The following FHIP1A variants were observed in gnomAD, a reference collection of about 807,000 sequenced individuals.
The protein encoded by FHIP1A is FHF complex subunit HOOK-interacting protein 1A.
Under a neutral mutation model 88.6 loss-of-function variants are expected in FHIP1A, and 61 were observed. The observed-to-expected ratio is 0.69, with a 90% CI of 0.56 to 0.85. The LOEUF is 0.85. Ranked by LOEUF, FHIP1A falls within the 40% of genes least tolerant of loss-of-function variation. The pLI is 0.00. For missense variants in FHIP1A, 1,154 were observed against 1,273.5 expected, an observed-to-expected ratio of 0.91 and a Z score of 1.43; for synonymous variants, 478 against 496.0, an observed-to-expected ratio of 0.96 and a Z score of 0.48.
At chr4:151,483,146 C>T (rs1173279501) in intron 3 of FHIP1A, among the ~76,000 whole-genome samples, 1 of 152,038 alleles carries the variant, frequency 6.6e-6, no homozygotes, top group East Asian at 1.9e-4. Context: ...TTTACAGAGG[C>T]ATGTACTATT....
intron 1 of FHIP1A, among the ~76,000 whole-genome samples, chr4:151,442,249 G>C (rs1054103540): frequency 6.6e-6 from 1 of 152,002 alleles, no homozygotes; most frequent in Non-Finnish European, 1.5e-5. Flanking sequence ...GTGTCTCTTG[G>C]TTACTGTGCA....
At position 151,542,139 on chromosome 4, in the gene FHIP1A, G is replaced by T. The variant is rs573727797; in HGVS notation, c.-122-23999G>T. Among the ~76,000 whole-genome samples, 3 of 152,160 alleles carry T rather than the reference G, an allele frequency of 2.0e-5. No homozygotes were observed. The South Asian group carries it at 6.2e-4, about 32-fold the overall frequency. Reference sequence around the variant, plus strand: ...TCTGTTCCCCTTCACCCTTCAAAGTGTGTGTGTGGCTAACTTTTCCTGGTT... The same window carrying T: ...TCTGTTCCCCTTCACCCTTCAAAGTTTGTGTGTGGCTAACTTTTCCTGGTT... On this transcript the variant is annotated intron_variant, in intron 3 of 13. Transcript: ENST00000435205.
Position 151,586,641 on chromosome 4 carries a change from GT to G in FHIP1A, c.734del (p.Val245AspfsTer17). On this transcript the variant is annotated frameshift_variant and splice_region_variant, in exon 6 of 14. Coordinates refer to ENST00000435205, the MANE Select transcript of FHIP1A (RefSeq NM_001109977.3). LOFTEE classifies it high-confidence loss of function. ...ATTTTGTTTTTATTTCTGAACACAG[GT>G]ACTTGCAACTGGGCTCAGTGGTCTC... ...HIVENTYFCP[V>X]LATGLSGLYS... is the part of the protein sequence containing the mutation. 1 of 1,538,440 alleles carries G rather than the reference GT, an allele frequency of 6.5e-7. No individual in the cohort carries two copies. The highest frequency in any genetic ancestry group is 8.8e-7 in the Non-Finnish European group (1 of 1,136,922).
intron 7 of FHIP1A, among the ~76,000 whole-genome samples, chr4:151,621,638 T>G (rs1735750287): frequency 6.6e-6 from 1 of 152,052 alleles, no homozygotes; most frequent in Admixed American, 6.6e-5. Context: ...TTTGCAGTGG[T>G]TCTCAGATAC....
intron 3 of FHIP1A, among the ~76,000 whole-genome samples, chr4:151,558,763 C>T (rs768681127): frequency 4.7e-4 from 72 of 152,086 alleles, no homozygotes; most frequent in Admixed American, 1.5e-3. Flanking sequence ...TTTGGGGAAC[C>T]CTAGGGTCCC....
At chr4:151,526,148 T>C (rs1731624687) in intron 3 of FHIP1A, among the ~76,000 whole-genome samples, 2 of 152,228 alleles carry the variant, frequency 1.3e-5, no homozygotes, top group Admixed American at 1.3e-4. Context: ...AAGTCTCCCA[T>C]GTCTACCTCT....
chr4:151,577,474 G>C lies in FHIP1A; in HGVS notation c.130G>C (p.Asp44His). 6.5e-7 allele frequency: 1 copy of C among 1,541,714 alleles called. No homozygotes were observed. ...GGTTGTGAAAATCTTGGAGAAGCAC[G>C]ACCCCTTGAAGAACACCCAGGCAAA... ...AQVVKILEKHDPLKNTQAKYG... is the reference protein window; with the variant it reads ...AQVVKILEKHHPLKNTQAKYG... Residue 44 changes from aspartate to histidine, a missense_variant, in exon 5 of 14, where the codon GAC becomes CAC. Transcript: ENST00000435205.
chr4:151,551,729 C>T (rs1332615204), intron 3 of FHIP1A, among the ~76,000 whole-genome samples: 2 of 152,146 alleles, frequency 1.3e-5, no homozygotes, highest in Middle Eastern at 3.2e-3. Context: ...ACCATAAAAG[C>T]CCTAGAAGAA....
At chr4:151,548,842 C>T (rs1172976693) in intron 3 of FHIP1A, among the ~76,000 whole-genome samples, 1 of 152,188 alleles carries the variant, frequency 6.6e-6, no homozygotes, top group Non-Finnish European at 1.5e-5. Flanking sequence ...ATACTTGTTC[C>T]CCGGTGCTGT....
chr4:151,452,131 G>A (rs1479474414), intron 1 of FHIP1A, among the ~76,000 whole-genome samples: 1 of 152,148 alleles, frequency 6.6e-6, no homozygotes, highest in Non-Finnish European at 1.5e-5. Context: ...ACAATTAGAT[G>A]TATTTTTCAA....
rs1736363864 is a variant in FHIP1A at position 151,636,586 on chromosome 4, A to C, written c.1147-2091A>C. ...GATTAATGTACAAAAATCAATTTAC[A>C]ATAACATCAAAAGAATAAAATATGA... On this transcript the variant is annotated intron_variant, in intron 8 of 13. Transcript: ENST00000435205. 2.6e-5 allele frequency among the ~76,000 whole-genome samples: 4 copies of C among 152,094 alleles called. No individual in the cohort carries two copies. In the South Asian group the frequency reaches 8.3e-4, roughly 31 times the overall value.
At chr4:151,606,671 G>A (rs1735085818) in intron 7 of FHIP1A, among the ~76,000 whole-genome samples, 1 of 152,160 alleles carries the variant, frequency 6.6e-6, no homozygotes, top group African/African-American at 2.4e-5. Flanking sequence ...TTGACCCATG[G>A]TTTTTAATCA....
At chr4:151,452,051 G>A (rs1388690851) in intron 1 of FHIP1A, among the ~76,000 whole-genome samples, 1 of 152,080 alleles carries the variant, frequency 6.6e-6, no homozygotes, top group African/African-American at 2.4e-5. Context: ...AAACTCTGGA[G>A]CTCAAGCAAT....
intron 3 of FHIP1A, among the ~76,000 whole-genome samples, chr4:151,503,185 A>G (rs993771355): frequency 2.0e-5 from 3 of 152,266 alleles, no homozygotes; most frequent in Non-Finnish European, 4.4e-5. Context: ...TACCTTATGG[A>G]TACTGCTTTG....
chr4:151,534,714 A>G (rs1177383885), intron 3 of FHIP1A: 1 of 152,234 alleles, frequency 6.6e-6, no homozygotes, highest in Non-Finnish European at 1.5e-5. Flanking sequence ...AGAGAATCCA[A>G]GAACAAGTTA....
chr4:151,608,258 T>C (rs981736173), intron 7 of FHIP1A, among the ~76,000 whole-genome samples: 4 of 151,956 alleles, frequency 2.6e-5, no homozygotes, highest in Non-Finnish European at 5.9e-5. Flanking sequence ...TTGGCCAGGC[T>C]GGTCTCAAAC....
At chr4:151,597,420 C>G (rs1022605121) in intron 7 of FHIP1A, among the ~76,000 whole-genome samples, 19 of 152,144 alleles carry the variant, frequency 1.2e-4, no homozygotes, top group African/African-American at 4.6e-4. Flanking sequence ...CAGAGGGTCA[C>G]CCGCCAGATG....
intron 2 of FHIP1A, among the ~76,000 whole-genome samples, chr4:151,476,262 C>G (rs1308552429): frequency 6.6e-6 from 1 of 151,436 alleles, no homozygotes; most frequent in Non-Finnish European, 1.5e-5. Flanking sequence ...CCACCTCAGC[C>G]TCCTGAGTAG....
intron 2 of FHIP1A, among the ~76,000 whole-genome samples, chr4:151,457,856 A>G (rs1286977130): frequency 6.6e-6 from 1 of 152,188 alleles, no homozygotes; most frequent in African/African-American, 2.4e-5. Context: ...AGACTGGAAA[A>G]TACTTCTATC....
Sources: allele counts gnomAD v4.1 joint callset (sites outside exome capture counted in the v4.1 genomes callset), GRCh38; gene constraint gnomAD v4.1.1; transcripts MANE v1.5; gene names NCBI Gene and HGNC (gene_info 2026-07-23, HGNC 2026-07-21).